The following SCAF8 variants were observed in gnomAD, a reference collection of about 807,000 sequenced individuals.
The protein encoded by SCAF8 is SR-related CTD associated factor 8.
In SCAF8, 23 loss-of-function variants were observed where a neutral mutation model predicts 140.5. The ratio of observed to expected loss-of-function variants is 0.16; its 90% CI spans 0.12 to 0.23. The LOEUF (loss-of-function observed/expected upper bound fraction) is 0.23, where lower values mean the gene tolerates loss of function less well. SCAF8 is among the 10% of genes least tolerant of loss of function. The probability of loss-of-function intolerance (pLI) is 1.00; values close to 1 mark genes in which losing one functional copy is unlikely to be tolerated. For missense variants in SCAF8, 1,397 were observed against 1,555.7 expected (o/e 0.90, Z 1.72); for synonymous variants, 575 against 528.9 (o/e 1.09, Z -1.20).
At chr6:154,786,260 C>T (rs1193631883) in intron 3 of SCAF8, among the ~76,000 whole-genome samples, 1 of 152,212 alleles carries the variant, frequency 6.6e-6, no homozygotes, top group East Asian at 1.9e-4. Context: ...GGTTTTCTTG[C>T]TGTCTTCTCT....
chr6:154,753,627 A>G (rs569442215), intron 1 of SCAF8, among the ~76,000 whole-genome samples: 20 of 152,292 alleles, frequency 1.3e-4, no homozygotes, highest in Admixed American at 6.5e-5. Context: ...AAATACATGT[A>G]TAAAGTGTCT....
At chr6:154,820,531 A>G (rs1778388836) in intron 15 of SCAF8, among the ~76,000 whole-genome samples, 198 bp downstream of exon 15, 1 of 152,204 alleles carries the variant, frequency 6.6e-6, no homozygotes, top group Non-Finnish European at 1.5e-5. Flanking sequence ...ATTAGAAAGT[A>G]TAGAAGTCTA....
chr6:154,822,151 T>G (rs77466223), intron 15 of SCAF8, 125 bp from the exon 16 acceptor site: 66,651 of 952,704 alleles, frequency 0.07, 2,918 homozygotes, highest in South Asian at 0.11. Flanking sequence ...CACCTACGGT[T>G]GTGGATATAT....
chr6:154,734,536 C>T (rs1003576451), intron 1 of SCAF8, among the ~76,000 whole-genome samples: 3 of 152,176 alleles, frequency 2.0e-5, no homozygotes, highest in Non-Finnish European at 2.9e-5. Context: ...TTACTCGCTC[C>T]TCTTCTAATC....
chr6:154,827,726 G>A (rs1778605268), intron 18 of SCAF8, among the ~76,000 whole-genome samples: 2 of 150,048 alleles, frequency 1.3e-5, no homozygotes, highest in Admixed American at 1.3e-4. Flanking sequence ...ACCTGTTTTA[G>A]CAAGAATACT....
At chr6:154,757,066 C>G (rs558392758) in intron 1 of SCAF8, among the ~76,000 whole-genome samples, 24 of 152,050 alleles carry the variant, frequency 1.6e-4, no homozygotes, top group Non-Finnish European at 2.5e-4. Flanking sequence ...CACTCTGTTG[C>G]CTAGGCTGGA....
At chr6:154,830,880 G>T in intron 18 of SCAF8, 42 bp from the exon 19 acceptor site, 2 of 1,473,402 alleles carry the variant, frequency 1.4e-6, no homozygotes, top group South Asian at 2.3e-5. Flanking sequence ...CACATGAATT[G>T]ACTCATTAAA....
intron 16 of SCAF8, 59 bp downstream of exon 16, chr6:154,822,468 C>A (rs531933384): frequency 3.5e-4 from 514 of 1,481,860 alleles, no homozygotes; most frequent in Non-Finnish European, 4.4e-4. Flanking sequence ...TGTTTTTAAT[C>A]ATGTATTTAC....
Position 154,834,162 on chromosome 6 carries a change from C to T in SCAF8, c.*767C>T, listed in dbSNP as rs1189126587. On this transcript the variant is annotated 3_prime_UTR_variant, in exon 20 of 20. Transcript: ENST00000367178. ...TTGCAAAAGCTTTCTATCATAACAA[C>T]AATGAACTATGTGGTGGAAAAAGCA... 1 of 152,060 alleles carries T rather than the reference C, an allele frequency of 6.6e-6. No individual in the cohort carries two copies. The highest frequency in any genetic ancestry group is 2.1e-4 in the South Asian group (1 of 4,818). The allele number at this position is 152,060 out of a possible 1,614,324, so 9.4% of individuals were successfully genotyped here.
chr6:154,743,913 T>G (rs1257636789), intron 1 of SCAF8, among the ~76,000 whole-genome samples: 1 of 152,254 alleles, frequency 6.6e-6, no homozygotes, highest in African/African-American at 2.4e-5. Flanking sequence ...GTAGCAAATG[T>G]CTAGTTTCTG....
chr6:154,804,318 T>C (rs1777851994), intron 8 of SCAF8, among the ~76,000 whole-genome samples: 1 of 152,212 alleles, frequency 6.6e-6, no homozygotes, highest in Non-Finnish European at 1.5e-5. Flanking sequence ...TGTATCATTT[T>C]AGTAAAATGA....
At chr6:154,780,893 T>C (rs1172172128) in intron 3 of SCAF8, among the ~76,000 whole-genome samples, 2 of 152,136 alleles carry the variant, frequency 1.3e-5, no homozygotes, top group Non-Finnish European at 2.9e-5. Flanking sequence ...TACCCAGTAA[T>C]GGGATTGCTG....
At chr6:154,763,484 A>G (rs1249320312) in intron 1 of SCAF8, among the ~76,000 whole-genome samples, 3 of 152,202 alleles carry the variant, frequency 2.0e-5, no homozygotes, top group Non-Finnish European at 4.4e-5. Context: ...CATGAGCAAA[A>G]TGTTGATGGT....
At chr6:154,803,260 A>G (rs1255086489) in intron 7 of SCAF8, among the ~76,000 whole-genome samples, 1 of 152,106 alleles carries the variant, frequency 6.6e-6, no homozygotes, top group Admixed American at 6.6e-5. Context: ...CCATGGAAAA[A>G]CCACCTAATT....
chr6:154,779,781 G>GTGTATA lies in SCAF8; in HGVS notation c.159+1737_159+1738insGTATAT, dbSNP rs1212419688. On this transcript the variant is annotated intron_variant, in intron 3 of 19. Transcript: ENST00000367178. ...AAGGTGTGTGTGTGTGTGTGTGTGT[G>GTGTATA]TATATATATATATATATATACACTT... 4.0e-4 allele frequency among the ~76,000 whole-genome samples: 57 copies of GTGTATA among 144,270 alleles called. 1 individual carries two copies. The highest frequency in any genetic ancestry group is 7.0e-4 in the Admixed American group (10 of 14,312). The allele number at this position is 144,270 out of a possible 152,430, so 94.6% of individuals were successfully genotyped here. A position where few individuals can be genotyped will look rare whatever the true frequency, so the allele number is the denominator to read the frequency against.
chr6:154,795,204 T>C lies in SCAF8; in HGVS notation c.606+65T>C, dbSNP rs1174567269. 31 of 1,359,132 alleles carry C rather than the reference T, an allele frequency of 2.3e-5. No homozygotes were observed. In the East Asian group the frequency reaches 6.2e-4, roughly 27 times the overall value. The allele number at this position is 1,359,132 out of a possible 1,614,324, so 84.2% of individuals were successfully genotyped here. ...TTAATATTTTCCTAATGTATTACTT[T>C]GTAACATACCACCTAGAGAATATGT... On this transcript the variant is annotated intron_variant, in intron 6 of 19. Coordinates refer to ENST00000367178, the MANE Select transcript of SCAF8 (RefSeq NM_014892.5).
chr6:154,820,092 G>A (rs955444577), intron 14 of SCAF8, 85 bp from the exon 15 acceptor site: 4 of 1,091,698 alleles, frequency 3.7e-6, no homozygotes, highest in African/African-American at 3.3e-5. Context: ...TGTTTACATT[G>A]TTTAAATAAA....
chr6:154,734,967 A>G (rs1778372153), intron 1 of SCAF8, among the ~76,000 whole-genome samples: 1 of 152,104 alleles, frequency 6.6e-6, no homozygotes, highest in Non-Finnish European at 1.5e-5. Context: ...TACTAAAAAT[A>G]CAAAAAATTA....
chr6:154,735,344 T>C (rs923424351), intron 1 of SCAF8, among the ~76,000 whole-genome samples: 39 of 152,176 alleles, frequency 2.6e-4, no homozygotes, highest in African/African-American at 7.5e-4. Flanking sequence ...TTTTAATTTC[T>C]TTAAAAAGAA....
Sources: gnomAD v4.1 joint callset for allele counts (sites outside exome capture counted in the v4.1 genomes callset) on GRCh38, gnomAD v4.1.1 for gene constraint, MANE v1.5 for transcripts, NCBI Gene and HGNC (gene_info 2026-07-23, HGNC 2026-07-21) for gene names.